The following CMYA5 variants were observed in gnomAD, a reference collection of about 807,000 sequenced individuals.
CMYA5 encodes cardiomyopathy associated 5, also known as cardiomyopathy-associated protein 5.
A neutral mutation model predicts 318.9 loss-of-function variants in CMYA5; 246 were observed. The ratio of observed to expected loss-of-function variants is 0.77; its 90% CI spans 0.70 to 0.86. The LOEUF (loss-of-function observed/expected upper bound fraction) is 0.86, where lower values mean the gene tolerates loss of function less well. Among genes scored for constraint, CMYA5 ranks in the 40% least tolerant of loss-of-function variants. CMYA5 has a pLI of 0.00. For synonymous variants in CMYA5, 1,641 were observed against 1,729.5 expected (o/e 0.95, Z 1.27); for missense variants, 4,589 against 4,678.2 (o/e 0.98, Z 0.56).
chr5:79,762,068 T>C (rs1828663830), intron 8 of CMYA5, 111 bp downstream of exon 8: 3 of 1,214,404 alleles, frequency 2.5e-6, no homozygotes, highest in Non-Finnish European at 3.3e-6. Flanking sequence ...TTGAGTGTTG[T>C]GCAAAGTGCT....
rs576563365 is a variant in CMYA5 at position 79,792,109 on chromosome 5, T to A, written c.11789+1040T>A. On this transcript the variant is annotated intron_variant, in intron 11 of 12. Coordinates refer to ENST00000446378, the MANE Select transcript of CMYA5 (RefSeq NM_153610.5). ...CCTGTCTGTGGCCAAGCTCAGGTGT[T>A]ACCTGCTCCTAGTTCTGGCCAAGGC... Among the ~76,000 whole-genome samples the A allele has an allele frequency of 2.0e-5, 3 of 152,336 alleles. No homozygotes were observed. The East Asian group carries it at 5.8e-4, about 29-fold the overall frequency.
intron 1 of CMYA5, among the ~76,000 whole-genome samples, chr5:79,727,118 GT>G (rs933454164): frequency 1.8e-4 from 27 of 152,120 alleles, no homozygotes; most frequent in African/African-American, 6.5e-4. Context: ...GTTTTACAAT[GT>G]TGGCCAGGCT....
intron 12 of CMYA5, among the ~76,000 whole-genome samples, chr5:79,798,977 G>T (rs1242012901): frequency 1.3e-5 from 2 of 152,180 alleles, no homozygotes; most frequent in Admixed American, 6.5e-5. Context: ...TGTATGGAAG[G>T]CAAGCTTACG....
In CMYA5 at chr5:79,766,687, T is replaced by C. The variant is rs1327996026; in HGVS notation, c.11555+3478T>C. Among the ~76,000 whole-genome samples the C allele has an allele frequency of 2.0e-5, 3 of 152,234 alleles. 1 individual carries two copies. Among genetic ancestry groups the C allele is most frequent in the Non-Finnish European group, 4.4e-5 (3 of 68,042 alleles). ...ATTGTGGTGGATAAGCTTTTTGATGTGCTGCTGGATTTGGTTTACCAGTAT... is the reference window on the plus strand; with the variant it reads ...ATTGTGGTGGATAAGCTTTTTGATGCGCTGCTGGATTTGGTTTACCAGTAT... On this transcript the variant is annotated intron_variant, in intron 9 of 12. Coordinates refer to ENST00000446378, the MANE Select transcript of CMYA5 (RefSeq NM_153610.5).
chr5:79,732,421 A>T lies in CMYA5; in HGVS notation c.3656A>T (p.His1219Leu). 6.2e-7 allele frequency: 1 copy of T among 1,613,746 alleles called. No individual in the cohort carries two copies. The highest frequency in any genetic ancestry group is 8.5e-7 in the Non-Finnish European group (1 of 1,179,802). Residue 1219 changes from histidine (H) to leucine (L), a missense_variant, in exon 2 of 13, where the codon CAT becomes CTT. Transcript: ENST00000446378. ...IVPDSQEATAHVSQDQKMEPQ... is the reference protein window; with the variant it reads ...IVPDSQEATALVSQDQKMEPQ... Reference sequence around the variant, plus strand: ...CCTGATTCTCAAGAAGCTACAGCACATGTATCACAGGATCAAAAAATGGAG... The same window carrying T: ...CCTGATTCTCAAGAAGCTACAGCACTTGTATCACAGGATCAAAAAATGGAG...
chr5:79,713,984 T>G (rs2151079302), intron 1 of CMYA5, among the ~76,000 whole-genome samples: 1 of 152,332 alleles, frequency 6.6e-6, no homozygotes, highest in Middle Eastern at 3.4e-3. Flanking sequence ...CAAGTCTATG[T>G]GTATCCCACC....
chr5:79,751,205 G>T (rs1306971569), intron 5 of CMYA5, among the ~76,000 whole-genome samples: 6 of 152,044 alleles, frequency 3.9e-5, no homozygotes, highest in Non-Finnish European at 5.9e-5. Context: ...AGACAAAATT[G>T]AACTCTCAGT....
chr5:79,790,297 T>C (rs560033245), intron 10 of CMYA5, among the ~76,000 whole-genome samples: 8 of 151,382 alleles, frequency 5.3e-5, no homozygotes, highest in African/African-American at 1.7e-4. Flanking sequence ...TCGAATGGAG[T>C]CTTGCTCTGT....
In CMYA5 at chr5:79,743,887, G is replaced by T; in HGVS notation, c.10699G>T (p.Val3567Phe). The change falls in exon 3 of 13, where the codon GTT becomes TTT. Residue 3567 changes from valine (V) to phenylalanine (F), a missense_variant. Coordinates refer to ENST00000446378, the MANE Select transcript of CMYA5 (RefSeq NM_153610.5). ...QEKSLRIEAF[V>F]SEIESFFNTI... ...AAAGTCCTTGAGGATTGAAGCCTTT[G>T]TTAGTGAGATAGAATCCTTTTTTAA... 6.5e-7 allele frequency: 1 copy of T among 1,547,390 alleles called. No individual in the cohort carries two copies. Among genetic ancestry groups the T allele is most frequent in the South Asian group, 1.2e-5 (1 of 82,392 alleles).
Position 79,729,424 on chromosome 5 carries a change from T to C in CMYA5, c.659T>C (p.Val220Ala), listed in dbSNP as rs1827823966. 1 of 1,613,580 alleles carries C rather than the reference T, an allele frequency of 6.2e-7. No individual in the cohort carries two copies. The highest frequency in any genetic ancestry group is 1.7e-5 in the Admixed American group (1 of 59,986). The change falls in exon 2 of 13, where the codon GTC (valine) becomes GCC (alanine). Residue 220 changes from valine (V) to alanine (A), a missense_variant. Val to Ala is a moderately conservative substitution (Grantham distance 64). Coordinates refer to ENST00000446378, the MANE Select transcript of CMYA5 (RefSeq NM_153610.5). ...CACAAGCCATTAGTGTTAAGACCAG[T>C]CTACATAGGAACAGTACAATATAAA... ...KEHKPLVLRP[V>A]YIGTVQYKIK...
intron 6 of CMYA5, among the ~76,000 whole-genome samples, chr5:79,754,566 C>T (rs1828492576): frequency 6.6e-6 from 1 of 152,040 alleles, no homozygotes; most frequent in African/African-American, 2.4e-5. Flanking sequence ...AGCGAAAAGG[C>T]AGAGTGCTGC....
chr5:79,715,678 C>T (rs1269138218), intron 1 of CMYA5, among the ~76,000 whole-genome samples: 2 of 152,038 alleles, frequency 1.3e-5, no homozygotes, highest in Non-Finnish European at 2.9e-5. Context: ...CTCCTGTTAG[C>T]AGATGGTAAC....
chr5:79,692,814 G>C (rs1306698788), intron 1 of CMYA5, among the ~76,000 whole-genome samples: 1 of 152,210 alleles, frequency 6.6e-6, no homozygotes, highest in Non-Finnish European at 1.5e-5. Flanking sequence ...CATGAAGGGA[G>C]AGATGGTCTC....
Position 79,734,400 on chromosome 5 carries a change from G to T in CMYA5, c.5635G>T (p.Glu1879Ter), listed in dbSNP as rs1349343233. 1 of 1,613,572 alleles carries T rather than the reference G, an allele frequency of 6.2e-7. No homozygotes were observed. The highest frequency in any genetic ancestry group is 2.2e-5 in the East Asian group (1 of 44,872). Residue 1879 changes from glutamate (E) to a stop codon, truncating the protein, a stop_gained, in exon 2 of 13, where the codon GAA becomes TAA. Coordinates refer to ENST00000446378, the MANE Select transcript of CMYA5 (RefSeq NM_153610.5). LOFTEE classifies it high-confidence loss of function. ...GACAACCAAGCCTGCGGATGTCAAA[G>T]AAACAAAAATGGAAGAATTCTTTAT... Reference protein sequence around the residue: ...FMTTKPADVKETKMEEFFISP... With the variant: ...FMTTKPADVK
chr5:79,728,383 A>G (rs149355980), intron 1 of CMYA5, among the ~76,000 whole-genome samples: 6 of 151,120 alleles, frequency 4.0e-5, no homozygotes, highest in Non-Finnish European at 8.8e-5. Flanking sequence ...GGGGTGGCAT[A>G]CTGAGCTGGT....
intron 9 of CMYA5, among the ~76,000 whole-genome samples, chr5:79,787,150 AG>A (rs1294386839): frequency 3.9e-5 from 6 of 152,194 alleles, no homozygotes; most frequent in African/African-American, 1.4e-4. Context: ...TATAAAATGA[AG>A]CCAGTGTGTT....
intron 10 of CMYA5, 31 bp from the exon 11 acceptor site, chr5:79,790,937 AAT>A: frequency 2.1e-6 from 3 of 1,454,888 alleles, no homozygotes; most frequent in Non-Finnish European, 2.9e-6. Flanking sequence ...TCCTTGTGGC[AAT>A]GTTTTAATAC....
At chr5:79,749,168 G>A (rs934546139) in intron 5 of CMYA5, among the ~76,000 whole-genome samples, 9 of 152,064 alleles carry the variant, frequency 5.9e-5, no homozygotes, top group Non-Finnish European at 1.2e-4. Flanking sequence ...TGCTAAAGCT[G>A]CCTGTCTCTT....
chr5:79,791,121 T>G lies in CMYA5; in HGVS notation c.11789+52T>G. Reference sequence around the variant, plus strand: ...GGCTGATGGCCCAGCAGTAGGGTCTTAGGGTGTGTCGCCTCAGGGTGGCCT... The same window carrying G: ...GGCTGATGGCCCAGCAGTAGGGTCTGAGGGTGTGTCGCCTCAGGGTGGCCT... On this transcript the variant is annotated intron_variant, in intron 11 of 12. Coordinates refer to ENST00000446378, the MANE Select transcript of CMYA5 (RefSeq NM_153610.5). 3 of 1,321,464 alleles carry G rather than the reference T, an allele frequency of 2.3e-6. No individual in the cohort carries two copies. The Admixed American group carries it at 5.3e-5, about 24-fold the overall frequency. The allele number at this position is 1,321,464 out of a possible 1,614,324, so 81.9% of individuals were successfully genotyped here. A position where few individuals can be genotyped will look rare whatever the true frequency, so the allele number is the denominator to read the frequency against.
Sources: allele counts gnomAD v4.1 joint callset (sites outside exome capture counted in the v4.1 genomes callset), GRCh38; gene constraint gnomAD v4.1.1; transcripts MANE v1.5; gene names NCBI Gene and HGNC (gene_info 2026-07-23, HGNC 2026-07-21).